TPX2: variants seen among roughly 807,000 people sequenced by gnomAD.
TPX2 encodes targeting protein for Xklp2.
TPX2 carries 21 observed loss-of-function variants against 93.6 expected under a neutral mutation model. That is an observed-to-expected ratio of 0.22 (90% CI 0.16 to 0.32). The LOEUF is 0.32. Ranked by LOEUF, TPX2 falls within the 10% of genes least tolerant of loss-of-function variation. The pLI, the probability that TPX2 is intolerant of heterozygous loss-of-function variation, is 1.00. For synonymous variants in TPX2, 281 were observed against 298.3 expected (o/e 0.94, Z 0.60); for missense variants, 776 against 871.1 (o/e 0.89, Z 1.37).
At position 31,742,663 on chromosome 20, in the gene TPX2, T is replaced by C. The variant is rs2061759882; in HGVS notation, c.-71+16T>C. On this transcript the variant is annotated intron_variant, in intron 2 of 17. Coordinates refer to ENST00000300403, the MANE Select transcript of TPX2 (RefSeq NM_012112.5). Reference sequence around the variant, plus strand: ...TAAACCACAGGTAAGGCAGTGACCATAGGAATAAGGAACATTAATATATCA... The same window carrying C: ...TAAACCACAGGTAAGGCAGTGACCACAGGAATAAGGAACATTAATATATCA... 6.6e-6 allele frequency: 1 copy of C among 152,162 alleles called. No homozygotes were observed. Among genetic ancestry groups the C allele is most frequent in the Admixed American group, 6.5e-5 (1 of 15,272 alleles). 9.4% of individuals were successfully genotyped at this position (152,162 alleles called of 1,614,324 possible).
intron 2 of TPX2, among the ~76,000 whole-genome samples, chr20:31,752,668 G>C (rs572766196): frequency 6.6e-6 from 1 of 151,882 alleles, no homozygotes; most frequent in South Asian, 2.1e-4. Flanking sequence ...GGCTGGATGC[G>C]GTGGCGTGAT....
At chr20:31,759,701 TAC>T (rs924824096) in intron 3 of TPX2, among the ~76,000 whole-genome samples, 5 of 152,048 alleles carry the variant, frequency 3.3e-5, no homozygotes, top group Admixed American at 3.3e-4. Context: ...CCCGGCTGGT[TAC>T]AGTTTTCTTT....
chr20:31,792,590 T>C (rs1466800456), intron 12 of TPX2, 145 bp from the exon 13 acceptor site: 21 of 718,210 alleles, frequency 2.9e-5, no homozygotes, highest in Non-Finnish European at 4.3e-5. Context: ...GGCAGGAAGA[T>C]TGCCTGAGCC....
At chr20:31,772,496 T>C (rs2061970475) in intron 7 of TPX2, among the ~76,000 whole-genome samples, 2 of 152,190 alleles carry the variant, frequency 1.3e-5, no homozygotes, top group Non-Finnish European at 1.5e-5. Context: ...AAAAATATAC[T>C]GTTGAAGCAA....
At chr20:31,797,543 T>C in intron 16 of TPX2, 28 bp downstream of exon 16, 1 of 1,598,660 alleles carries the variant, frequency 6.3e-7, no homozygotes, top group South Asian at 1.1e-5. Context: ...CTGATGGGAC[T>C]CGGGCAGAAT....
chr20:31,766,463 G>GTGTT, intron 4 of TPX2, 93 bp from the exon 5 acceptor site: 1 of 1,070,744 alleles, frequency 9.3e-7, no homozygotes, highest in Non-Finnish European at 1.4e-6. Context: ...GGGTGTGTGT[G>GTGTT]TGTGTGTGTG....
chr20:31,762,685 C>G, intron 4 of TPX2, among the ~76,000 whole-genome samples: 1 of 152,110 alleles, frequency 6.6e-6, no homozygotes, highest in Admixed American at 6.6e-5. Flanking sequence ...AGTTTAAGGT[C>G]TTACATATTA....
At chr20:31,770,631 T>C (rs1345528574) in intron 6 of TPX2, among the ~76,000 whole-genome samples, 160 bp downstream of exon 6, 1 of 152,222 alleles carries the variant, frequency 6.6e-6, no homozygotes, top group Admixed American at 6.5e-5. Context: ...GAGAAATGCC[T>C]AAAACTGTGA....
At chr20:31,759,525 A>G (rs1299952740) in intron 3 of TPX2, among the ~76,000 whole-genome samples, 9 of 148,778 alleles carry the variant, frequency 6.0e-5, no homozygotes, top group Non-Finnish European at 8.9e-5. Context: ...TCAGCTTCTC[A>G]AGTAGCTGGG....
At chr20:31,768,318 C>T (rs1381717146) in intron 5 of TPX2, among the ~76,000 whole-genome samples, 1 of 151,732 alleles carries the variant, frequency 6.6e-6, no homozygotes, top group Non-Finnish European at 1.5e-5. Context: ...TCACTGCAAC[C>T]TCCGCCTCCC....
chr20:31,744,904 T>G (rs762826587), intron 2 of TPX2, among the ~76,000 whole-genome samples: 2 of 152,122 alleles, frequency 1.3e-5, no homozygotes, highest in African/African-American at 2.4e-5. Flanking sequence ...CTGGCTAACA[T>G]GGTGAAACCC....
At chr20:31,780,344 G>A (rs1329926321) in intron 10 of TPX2, among the ~76,000 whole-genome samples, 2 of 152,072 alleles carry the variant, frequency 1.3e-5, no homozygotes, top group Non-Finnish European at 2.9e-5. Context: ...GAGCCACTGC[G>A]CCTGGCCAAG....
intron 4 of TPX2, among the ~76,000 whole-genome samples, chr20:31,761,834 G>A (rs910403214): frequency 1.3e-5 from 2 of 152,118 alleles, no homozygotes; most frequent in Admixed American, 6.5e-5. Context: ...CCTCCATACT[G>A]TTTTCCATAA....
chr20:31,774,715 T>C (rs1161418133), intron 7 of TPX2, among the ~76,000 whole-genome samples: 1 of 152,226 alleles, frequency 6.6e-6, no homozygotes, highest in Non-Finnish European at 1.5e-5. Context: ...TTCTGTTACA[T>C]GTGTTTTATG....
At chr20:31,776,226 G>T (rs988998522) in intron 8 of TPX2, among the ~76,000 whole-genome samples, 1 of 151,250 alleles carries the variant, frequency 6.6e-6, no homozygotes, top group South Asian at 2.1e-4. Flanking sequence ...GACTACAGGC[G>T]CCCGCCACCG....
intron 2 of TPX2, among the ~76,000 whole-genome samples, chr20:31,747,436 CTCTGTCTG>C (rs368418576): frequency 4.6e-5 from 7 of 151,842 alleles, no homozygotes; most frequent in South Asian, 2.1e-4. Flanking sequence ...ATATCTCTAT[CTCTGTCTG>C]TCTGTCTGTC....
intron 14 of TPX2, 61 bp downstream of exon 14, chr20:31,794,085 T>G: frequency 1.3e-6 from 2 of 1,489,136 alleles, no homozygotes; most frequent in Non-Finnish European, 1.8e-6. Flanking sequence ...AAAGACAGTT[T>G]TTTCTGTAGC....
intron 2 of TPX2, among the ~76,000 whole-genome samples, chr20:31,747,867 C>T (rs2061794080): frequency 6.7e-6 from 1 of 149,890 alleles, no homozygotes; most frequent in Non-Finnish European, 1.5e-5. Flanking sequence ...GCCTGGGGCT[C>T]TCTCATTTAA....
At chr20:31,775,107 C>T (rs896114659) in intron 7 of TPX2, among the ~76,000 whole-genome samples, 2 of 150,908 alleles carry the variant, frequency 1.3e-5, no homozygotes, top group Non-Finnish European at 3.0e-5. Context: ...TTACAGGTGC[C>T]TGCCACTACA....
Sources: allele counts gnomAD v4.1 joint callset (sites outside exome capture counted in the v4.1 genomes callset), GRCh38; gene constraint gnomAD v4.1.1; transcripts MANE v1.5; gene names NCBI Gene and HGNC (gene_info 2026-07-23, HGNC 2026-07-21).